ADARB1: variants seen among roughly 807,000 people sequenced by gnomAD.
The protein encoded by ADARB1 is adenosine deaminase RNA specific B1, also known as double-stranded RNA-specific editase 1.
A neutral mutation model predicts 52.4 loss-of-function variants in ADARB1; 10 were observed. The ratio of observed to expected loss-of-function variants is 0.19; its 90% CI spans 0.12 to 0.32. The LOEUF (loss-of-function observed/expected upper bound fraction) is 0.32, where lower values mean the gene tolerates loss of function less well. Ranked by LOEUF, ADARB1 falls within the 10% of genes least tolerant of loss-of-function variation. The probability of loss-of-function intolerance (pLI) is 1.00; values close to 1 mark genes in which losing one functional copy is unlikely to be tolerated. For synonymous variants in ADARB1, 349 were observed against 371.1 expected (o/e 0.94, Z 0.68); for missense variants, 643 against 922.3 (o/e 0.70, Z 3.92).
rs1284989195 is a variant in ADARB1 at position 45,204,544 on chromosome 21, T to G, written c.1566-11T>G. On this transcript the variant is annotated splice_polypyrimidine_tract_variant and intron_variant, in intron 8 of 10. Transcript: ENST00000348831. This position sits in a 1 kb window ranked among gnomAD's most constrained non-coding sequence, Gnocchi z 4.4. ...GAGCTCCCTGAAGACTGTGCTTTCT[T>G]CTCCCTCCAGCTGGAACGTGGTGGG... 3.7e-6 allele frequency: 6 copies of G among 1,613,562 alleles called. No homozygotes were observed. Among genetic ancestry groups the G allele is most frequent in the Non-Finnish European group, 5.1e-6 (6 of 1,179,740 alleles).
Position 45,220,502 on chromosome 21 carries a change from C to T in ADARB1, c.1748-334C>T, listed in dbSNP as rs1028209963. ...CTCAGGCTGCCAAGGTTCCTGGCTC[C>T]GTCAGTGCCAGAGTGAGAAAAGACA... On this transcript the variant is annotated intron_variant, in intron 9 of 10. Coordinates refer to ENST00000348831, the MANE Select transcript of ADARB1 (RefSeq NM_001112.4). This position sits in a 1 kb window ranked among gnomAD's most constrained non-coding sequence, Gnocchi z 6.3. Among the ~76,000 whole-genome samples, 4 of 152,140 alleles carry T rather than the reference C, an allele frequency of 2.6e-5. No individual in the cohort carries two copies. The highest frequency in any genetic ancestry group is 4.1e-4 in the South Asian group (2 of 4,820).
intron 1 of ADARB1, among the ~76,000 whole-genome samples, chr21:45,090,291 G>T (rs2086510856): frequency 6.6e-6 from 1 of 152,020 alleles, no homozygotes; most frequent in African/African-American, 2.4e-5. Flanking sequence ...AATTAAAATT[G>T]CTATTTATTT....
chr21:45,083,789 G>T (rs931847206), intron 1 of ADARB1, among the ~76,000 whole-genome samples: 2 of 152,116 alleles, frequency 1.3e-5, no homozygotes, highest in African/African-American at 4.8e-5. Context: ...CAACCTCCTG[G>T]GTTCAAGCGA....
chr21:45,225,105 T>C lies in ADARB1; in HGVS notation c.*2908T>C. On this transcript the variant is annotated 3_prime_UTR_variant, in exon 11 of 11. Transcript: ENST00000348831. ...TTTGTTTTGTTTTGTTAACTAAACC[T>C]GAAGTATTAATTCCACAAAGACACT... 1.0e-6 allele frequency: 1 copy of C among 994,532 alleles called. No homozygotes were observed. Among genetic ancestry groups the C allele is most frequent in the South Asian group, 4.7e-5 (1 of 21,366 alleles). The allele number at this position is 994,532 out of a possible 1,614,324, so 61.6% of individuals were successfully genotyped here.
intron 1 of ADARB1, among the ~76,000 whole-genome samples, chr21:45,103,040 G>A (rs1272930460): frequency 6.6e-6 from 1 of 152,136 alleles, no homozygotes; most frequent in Non-Finnish European, 1.5e-5. Flanking sequence ...GTCCCTTCCT[G>A]TACCATGAGA....
chr21:45,178,241 A>C (rs978598431), intron 4 of ADARB1, among the ~76,000 whole-genome samples: 1 of 152,236 alleles, frequency 6.6e-6, no homozygotes. Flanking sequence ...GTGCGCCTGC[A>C]GTGACTTCTG....
chr21:45,168,050 G>T (rs781381435), intron 2 of ADARB1, among the ~76,000 whole-genome samples: 1 of 152,098 alleles, frequency 6.6e-6, no homozygotes, highest in Non-Finnish European at 1.5e-5. Context: ...TCTCGGAGGT[G>T]TGCAGCGGAG....
rs1222515524 is a variant in ADARB1, at chr21:45,176,887, G to A, written c.963+223G>A. Among the ~76,000 whole-genome samples the A allele has an allele frequency of 6.6e-6, 1 of 152,250 alleles. No homozygotes were observed. Among genetic ancestry groups the A allele is most frequent in the Non-Finnish European group, 1.5e-5 (1 of 68,018 alleles). On this transcript the variant is annotated intron_variant, in intron 4 of 10. Coordinates refer to ENST00000348831, the MANE Select transcript of ADARB1 (RefSeq NM_001112.4). This position sits in a 1 kb window ranked among gnomAD's most constrained non-coding sequence, Gnocchi z 5.8. ...CATGCTGGGTCTGTCGCAATGCAAG[G>A]CAGGGACACCTGAGACCCCGTCCAC... is the stretch of plus-strand genomic sequence containing the variant.
At chr21:45,206,293 A>G (rs920194014) in intron 9 of ADARB1, among the ~76,000 whole-genome samples, 7 of 152,316 alleles carry the variant, frequency 4.6e-5, no homozygotes, top group Non-Finnish European at 1.0e-4. Context: ...AATAGTTGTT[A>G]ATTAGGGCCT....
chr21:45,215,587 C>T (rs941940929), intron 9 of ADARB1, among the ~76,000 whole-genome samples: 1 of 151,870 alleles, frequency 6.6e-6, no homozygotes, highest in African/African-American at 2.4e-5. Context: ...TGTAGTGAGA[C>T]CCCATCTGAA....
chr21:45,088,688 C>T (rs950170409), intron 1 of ADARB1, among the ~76,000 whole-genome samples: 6 of 152,038 alleles, frequency 3.9e-5, no homozygotes, highest in Non-Finnish European at 8.8e-5. Flanking sequence ...TGCCTAGTCT[C>T]GAAGTATCTC....
rs887531088 is a variant in ADARB1 at position 45,221,548 on chromosome 21, G to A, written c.1927-470G>A. ...ACCAGCATTGTGCACTGGCATGGGA[G>A]GTATAGCCAGAAGGGACAGTGCCCG... On this transcript the variant is annotated intron_variant, in intron 10 of 10. Transcript: ENST00000348831. The surrounding 1 kb of genome is among the most constrained non-coding windows in gnomAD (Gnocchi z 4.9). Among the ~76,000 whole-genome samples, 3 of 152,164 alleles carry A rather than the reference G, an allele frequency of 2.0e-5. No individual in the cohort carries two copies. Among genetic ancestry groups the A allele is most frequent in the African/African-American group, 4.8e-5 (2 of 41,450 alleles).
At chr21:45,186,116 A>AG (rs34117176) in intron 8 of ADARB1, among the ~76,000 whole-genome samples, 1 of 152,090 alleles carries the variant, frequency 6.6e-6, no homozygotes, top group Non-Finnish European at 1.5e-5. Context: ...GATGTGGGGG[A>AG]GGGGGGTGTA....
chr21:45,192,044 C>T (rs780762694), intron 8 of ADARB1, among the ~76,000 whole-genome samples: 1 of 151,356 alleles, frequency 6.6e-6, no homozygotes, highest in African/African-American at 2.4e-5. Flanking sequence ...TCATATTATT[C>T]TAGAAATTTA....
At chr21:45,104,783 C>T (rs1409488082) in intron 1 of ADARB1, among the ~76,000 whole-genome samples, 2 of 152,184 alleles carry the variant, frequency 1.3e-5, no homozygotes, top group Non-Finnish European at 2.9e-5. Context: ...TCCTGCTGTC[C>T]TGGGTGGCCT....
At chr21:45,117,256 C>T (rs2087882361) in intron 1 of ADARB1, among the ~76,000 whole-genome samples, 1 of 152,158 alleles carries the variant, frequency 6.6e-6, no homozygotes, top group Admixed American at 6.5e-5. Context: ...GGGAGGACAT[C>T]CCCCAAGGAC....
At chr21:45,083,233 G>T (rs959943685) in intron 1 of ADARB1, among the ~76,000 whole-genome samples, 8 of 152,124 alleles carry the variant, frequency 5.3e-5, no homozygotes, top group African/African-American at 1.4e-4. Context: ...TTTTTCTGTT[G>T]GTAGTAAGTA....
intron 1 of ADARB1, among the ~76,000 whole-genome samples, chr21:45,125,962 G>A (rs78817548): frequency 5.3e-5 from 8 of 152,140 alleles, no homozygotes; most frequent in Non-Finnish European, 7.4e-5. Flanking sequence ...AGCTATAAAG[G>A]TCCCTCTGAT....
intron 1 of ADARB1, 31 bp downstream of exon 1, chr21:45,074,824 G>T (rs1026816620): frequency 6.8e-6 from 1 of 148,018 alleles, no homozygotes; most frequent in Non-Finnish European, 1.5e-5. Flanking sequence ...CGGCGGCTCG[G>T]GCGGGCGCGG....
Sources: gnomAD v4.1 joint callset for allele counts (sites outside exome capture counted in the v4.1 genomes callset) on GRCh38, gnomAD v4.1.1 for gene constraint, Gnocchi (gnomAD v3.1) non-coding constraint, MANE v1.5 for transcripts, NCBI Gene and HGNC (gene_info 2026-07-23, HGNC 2026-07-21) for gene names.